Variants in MAST1 observed in about 807,000 individuals in gnomAD.
MAST1 encodes the protein microtubule-associated serine/threonine-protein kinase 1.
Under a neutral mutation model 124.6 loss-of-function variants are expected in MAST1, and 40 were observed. The observed-to-expected ratio is 0.32, with a 90% CI of 0.25 to 0.42. MAST1 has a LOEUF of 0.42. MAST1 is among the 10% of genes least tolerant of loss of function. The probability of loss-of-function intolerance (pLI) is 1.00; values close to 1 mark genes in which losing one functional copy is unlikely to be tolerated. For synonymous variants in MAST1, 938 were observed against 939.4 expected (o/e 1.00, Z 0.03); for missense variants, 1,558 against 2,181.9 (o/e 0.71, Z 5.70).
chr19:12,847,325 G>T lies in MAST1; in HGVS notation c.363G>T (p.Leu121=). The T allele has an allele frequency of 6.2e-7, 1 of 1,613,804 alleles. No homozygotes were observed. Among genetic ancestry groups the T allele is most frequent in the Non-Finnish European group, 8.5e-7 (1 of 1,179,982 alleles). ...CCTCCCAGGAGCGCCTTCACCAGCT[G>T]CCCTACCAGCCCACGGTGGACGAGC... ...SCSSQERLHQ[L]PYQPTVDELH... Residue 121 remains leucine, a synonymous_variant, in exon 5 of 26, where the codon CTG becomes CTT. Transcript: ENST00000251472. This position sits in a 1 kb window ranked among gnomAD's most constrained non-coding sequence, Gnocchi z 5.5.
intron 7 of MAST1, among the ~76,000 whole-genome samples, chr19:12,851,412 C>T (rs1469946143): frequency 6.6e-6 from 1 of 152,006 alleles, no homozygotes; most frequent in Non-Finnish European, 1.5e-5. Context: ...TACAGGCACA[C>T]ACTACCACAC....
At position 12,858,663 on chromosome 19, in the gene MAST1, GA is replaced by G; in HGVS notation, c.1292del (p.Asn431ThrfsTer33). 6.2e-7 allele frequency: 1 copy of G among 1,614,258 alleles called. No individual in the cohort carries two copies. The highest frequency in any genetic ancestry group is 8.5e-7 in the Non-Finnish European group (1 of 1,180,048). On this transcript the variant is annotated frameshift_variant, in exon 12 of 26. Transcript: ENST00000251472. LOFTEE classifies it high-confidence loss of function. Reference sequence around the variant, plus strand: ...AGCGCGATATCCTCACCTTCGCCGAGAACCCGTTTGTGGTCGGCATGTTCTG... The same window carrying G: ...AGCGCGATATCCTCACCTTCGCCGAGACCCGTTTGTGGTCGGCATGTTCTG... ...VERDILTFAE[N>X]PFVVGMFCSF...
intron 2 of MAST1, 106 bp downstream of exon 2, chr19:12,840,640 A>C (rs1290036803): frequency 1.2e-6 from 1 of 819,368 alleles, no homozygotes; most frequent in African/African-American, 1.7e-5. Flanking sequence ...GTTTGAATGG[A>C]GGCGAACCAG....
Position 12,848,004 on chromosome 19 carries a change from A to G in MAST1, c.721A>G (p.Thr241Ala), listed in dbSNP as rs1270668364. The G allele has an allele frequency of 6.2e-7, 1 of 1,614,126 alleles. No individual in the cohort carries two copies. The highest frequency in any genetic ancestry group is 1.7e-5 in the Admixed American group (1 of 60,026). ...CLTKSRDGLI[T>A]TVYFYELQEN... ...GACCAAGTCCCGTGACGGCCTCATC[A>G]CCACGGTCTACTTCTATGAATTGCA... The change falls in exon 7 of 26, where the codon ACC becomes GCC. Residue 241 changes from threonine (T) to alanine (A), a missense_variant. Physicochemically the swap from Thr to Ala is moderately conservative, Grantham distance 58. Coordinates refer to ENST00000251472, the MANE Select transcript of MAST1 (RefSeq NM_014975.3).
At position 12,865,675 on chromosome 19, in the gene MAST1, A is replaced by G; in HGVS notation, c.1805-42A>G. ...AGTGAGATCCTGTGTCCAAACAACA[A>G]CAACAACAAAAACCGCCCCTAAGTT... On this transcript the variant is annotated intron_variant, in intron 15 of 25. Transcript: ENST00000251472. This position sits in a 1 kb window ranked among gnomAD's most constrained non-coding sequence, Gnocchi z 7.1. 1.3e-6 allele frequency: 2 copies of G among 1,547,448 alleles called. No individual in the cohort carries two copies. The highest frequency in any genetic ancestry group is 1.8e-6 in the Non-Finnish European group (2 of 1,130,446).
chr19:12,865,218 C>T lies in MAST1; in HGVS notation c.1638+40C>T. ...ATGGGGGTCGCTGAGGGTGGAGTGA[C>T]CCTGCAGGACCTCGGGAACCCAGGG... On this transcript the variant is annotated intron_variant, in intron 14 of 25. Transcript: ENST00000251472. The surrounding 1 kb of genome is among the most constrained non-coding windows in gnomAD (Gnocchi z 7.1). 6.2e-7 allele frequency: 1 copy of T among 1,602,290 alleles called. No individual in the cohort carries two copies. The highest frequency in any genetic ancestry group is 8.5e-7 in the Non-Finnish European group (1 of 1,173,088).
In MAST1 at chr19:12,843,352, C is replaced by G. The variant is rs1969854481; in HGVS notation, c.249-177C>G. Among the ~76,000 whole-genome samples, 1 of 151,970 alleles carries G rather than the reference C, an allele frequency of 6.6e-6. No homozygotes were observed. Among genetic ancestry groups the G allele is most frequent in the Admixed American group, 6.6e-5 (1 of 15,246 alleles). On this transcript the variant is annotated intron_variant, in intron 3 of 25. Transcript: ENST00000251472. The surrounding 1 kb of genome is among the most constrained non-coding windows in gnomAD (Gnocchi z 4.9). Reference sequence around the variant, plus strand: ...CGGATCCTCCCTCCAATTCCCGGTGCCTGCCTGGAAGAGTCCCTCTTTATC... The same window carrying G: ...CGGATCCTCCCTCCAATTCCCGGTGGCTGCCTGGAAGAGTCCCTCTTTATC...
chr19:12,841,853 TG>T lies in MAST1; in HGVS notation c.248+792del, dbSNP rs1969833458. Among the ~76,000 whole-genome samples, 1 of 152,042 alleles carries T rather than the reference TG, an allele frequency of 6.6e-6. No homozygotes were observed. Among genetic ancestry groups the T allele is most frequent in the Non-Finnish European group, 1.5e-5 (1 of 67,996 alleles). On this transcript the variant is annotated intron_variant, in intron 3 of 25. Coordinates refer to ENST00000251472, the MANE Select transcript of MAST1 (RefSeq NM_014975.3). This position sits in a 1 kb window ranked among gnomAD's most constrained non-coding sequence, Gnocchi z 4.3. ...AAGACAGACAGCTCCCTTGGGAAAG[TG>T]GGGGAACCGCCTATTGACCATGGAA...
In MAST1 at chr19:12,874,685, C is replaced by T. The variant is rs571717462; in HGVS notation, c.4528C>T (p.Pro1510Ser). 36 of 1,551,316 alleles carry T rather than the reference C, an allele frequency of 2.3e-5. No homozygotes were observed. Among genetic ancestry groups the T allele is most frequent in the Non-Finnish European group, 2.8e-5 (32 of 1,144,252 alleles). Residue 1510 changes from proline (P) to serine (S), a missense_variant, in exon 26 of 26, where the codon CCC (proline) becomes TCC (serine). Coordinates refer to ENST00000251472, the MANE Select transcript of MAST1 (RefSeq NM_014975.3). This position sits in a 1 kb window ranked among gnomAD's most constrained non-coding sequence, Gnocchi z 6.6. ...AAAGCTCTCCCCGGAGCCCCAGACA[C>T]CCTCCCTAGCCCCAGCGAAGTGCAG... ...SPKLSPEPQT[P>S]SLAPAKCSAP... is the part of the protein sequence containing the mutation.
At position 12,841,468 on chromosome 19, in the gene MAST1, A is replaced by G. The variant is rs1030190956; in HGVS notation, c.248+402A>G. On this transcript the variant is annotated intron_variant, in intron 3 of 25. Coordinates refer to ENST00000251472, the MANE Select transcript of MAST1 (RefSeq NM_014975.3). This position sits in a 1 kb window ranked among gnomAD's most constrained non-coding sequence, Gnocchi z 4.3. ...TTGGTCCCCGAGGTGGGGGAGGACG[A>G]CTAGGGCTGTTTCTCAAGGGGAGGA... 2.6e-5 allele frequency among the ~76,000 whole-genome samples: 4 copies of G among 152,218 alleles called. No homozygotes were observed. The highest frequency in any genetic ancestry group is 9.6e-5 in the African/African-American group (4 of 41,466).
rs751945653 is a variant in MAST1 at position 12,852,192 on chromosome 19, G to A, written c.954G>A (p.Thr318=). Residue 318 remains threonine (T), a synonymous_variant, in exon 9 of 26, where the codon ACG becomes ACA. Coordinates refer to ENST00000251472, the MANE Select transcript of MAST1 (RefSeq NM_014975.3). The part of the protein sequence containing the change: ...GHAKEGHLVK[T]DIPRYIIRQL... ...CCAAGGAGGGCCACCTTGTGAAGAC[G>A]GACATCCCCCGCTACATCATCCGCC... The A allele has an allele frequency of 1.1e-5, 18 of 1,613,956 alleles. No individual in the cohort carries two copies. Among genetic ancestry groups the A allele is most frequent in the Admixed American group, 8.3e-5 (5 of 59,996 alleles).
In MAST1 at chr19:12,841,008, A is replaced by G; in HGVS notation, c.190A>G (p.Ser64Gly). ...PGHLGSSPLD[S>G]PRNFSPNTPA... ...TCTCATAGGCAGCAGTCCCCTGGAC[A>G]GCCCCCGAAACTTCTCCCCCAACAC... The change falls in exon 3 of 26, where the codon AGC becomes GGC. Residue 64 changes from serine (S) to glycine (G), a missense_variant. Transcript: ENST00000251472. This position sits in a 1 kb window ranked among gnomAD's most constrained non-coding sequence, Gnocchi z 4.3. 1.5e-6 allele frequency: 2 copies of G among 1,332,524 alleles called. No homozygotes were observed. Among genetic ancestry groups the G allele is most frequent in the Non-Finnish European group, 2.2e-6 (2 of 922,350 alleles). The allele number at this position is 1,332,524 out of a possible 1,614,324, so 82.5% of individuals were successfully genotyped here.
intron 7 of MAST1, 72 bp from the exon 8 acceptor site, chr19:12,851,862 G>C: frequency 8.7e-7 from 1 of 1,144,932 alleles, no homozygotes; most frequent in Non-Finnish European, 1.3e-6. Flanking sequence ...TATGTACTCT[G>C]AGGGGCTGAG....
chr19:12,856,958 T>A (rs1414889978), intron 10 of MAST1, among the ~76,000 whole-genome samples: 1 of 152,240 alleles, frequency 6.6e-6, no homozygotes, highest in East Asian at 1.9e-4. Flanking sequence ...GCAAAGTATA[T>A]ATGTTCACCT....
chr19:12,870,656 C>T (rs1006761100), intron 22 of MAST1, among the ~76,000 whole-genome samples, 168 bp from the exon 23 acceptor site: 11 of 116,610 alleles, frequency 9.4e-5, no homozygotes, highest in African/African-American at 3.0e-4. Flanking sequence ...CAGAGTGAGA[C>T]TCCGTCCAAA....
rs746568246 is a variant in MAST1, at chr19:12,874,937, C to A, written c.*67C>A. ...CATATGTACACATATAAATAAAGTG[C>A]GTCCGTGCTGCGTGAGTTTTCTGGG... On this transcript the variant is annotated 3_prime_UTR_variant, in exon 26 of 26. Coordinates refer to ENST00000251472, the MANE Select transcript of MAST1 (RefSeq NM_014975.3). This position sits in a 1 kb window ranked among gnomAD's most constrained non-coding sequence, Gnocchi z 6.6. 1 of 1,520,286 alleles carries A rather than the reference C, an allele frequency of 6.6e-7. No homozygotes were observed. The highest frequency in any genetic ancestry group is 2.0e-5 in the Admixed American group (1 of 51,142). 94.2% of individuals were successfully genotyped at this position (1,520,286 alleles called of 1,614,324 possible).
intron 12 of MAST1, among the ~76,000 whole-genome samples, chr19:12,859,826 C>CA (rs60098806): frequency 0.021 from 1,923 of 93,070 alleles, 15 homozygotes; most frequent in South Asian, 0.04. Context: ...CCCTGTCCCG[C>CA]AAAAAAAAAA....
At chr19:12,851,665 T>C (rs1168650206) in intron 7 of MAST1, among the ~76,000 whole-genome samples, 1 of 151,942 alleles carries the variant, frequency 6.6e-6, no homozygotes, top group Non-Finnish European at 1.5e-5. Context: ...TTTGCGTTTT[T>C]AGTGGAGATG....
chr19:12,853,706 A>C (rs1426379970), intron 10 of MAST1, among the ~76,000 whole-genome samples: 2 of 151,776 alleles, frequency 1.3e-5, no homozygotes, highest in Non-Finnish European at 2.9e-5. Context: ...CATTTCCACT[A>C]AAAATACAAA....
Sources: allele counts gnomAD v4.1 joint callset (sites outside exome capture counted in the v4.1 genomes callset), GRCh38; gene constraint gnomAD v4.1.1; non-coding constraint Gnocchi (gnomAD v3.1); transcripts MANE v1.5; gene names NCBI Gene and HGNC (gene_info 2026-07-23, HGNC 2026-07-21).